The following NAALADL2 variants were observed in gnomAD, a reference collection of about 807,000 sequenced individuals.
NAALADL2 encodes inactive N-acetylated-alpha-linked acidic dipeptidase-like protein 2.
In NAALADL2, 76 loss-of-function variants were observed where a neutral mutation model predicts 87.2. That is an observed-to-expected ratio of 0.87 (90% CI 0.72 to 1.05). NAALADL2 has a LOEUF of 1.05. NAALADL2 is among the 50% of genes least tolerant of loss of function. The pLI, the probability that NAALADL2 is intolerant of heterozygous loss-of-function variation, is 0.00. For missense variants in NAALADL2, 1,089 were observed against 945.8 expected (o/e 1.15, Z -1.99); for synonymous variants, 354 against 331.0 (o/e 1.07, Z -0.75).
intron 1 of NAALADL2, among the ~76,000 whole-genome samples, chr3:174,868,519 A>G (rs1485681870): frequency 2.0e-5 from 3 of 152,024 alleles, no homozygotes; most frequent in Non-Finnish European, 4.4e-5. Flanking sequence ...CCTCATCCTT[A>G]TTGTTATCCA....
intron 1 of NAALADL2, among the ~76,000 whole-genome samples, chr3:174,881,421 T>A (rs1729178535): frequency 6.6e-6 from 1 of 152,130 alleles, no homozygotes; most frequent in East Asian, 1.9e-4. Context: ...GCTTGGGGCA[T>A]CATACCATAA....
At chr3:174,734,817 GAATT>G (rs1357606677) in intron 2 of NAALADL2, among the ~76,000 whole-genome samples, 1 of 152,118 alleles carries the variant, frequency 6.6e-6, no homozygotes. Flanking sequence ...CAAAAATTCA[GAATT>G]ATTATTTTAT....
In NAALADL2 at chr3:175,541,266, G is replaced by A. The variant is rs192038677; in HGVS notation, c.1654-34775G>A. On this transcript the variant is annotated intron_variant, in intron 9 of 13. Coordinates refer to ENST00000454872, the MANE Select transcript of NAALADL2 (RefSeq NM_207015.3). ...ACTTCTTCCTACTCTCCAAACAGTAGAATGTACAAATGTTCCTCAATTTAT... is the reference window on the plus strand; with the variant it reads ...ACTTCTTCCTACTCTCCAAACAGTAAAATGTACAAATGTTCCTCAATTTAT... Among the ~76,000 whole-genome samples the A allele has an allele frequency of 5.2e-3, 796 of 152,256 alleles. 7 individuals carry two copies. Among genetic ancestry groups the A allele is most frequent in the African/African-American group, 0.018 (761 of 41,550 alleles).
At chr3:174,798,558 A>G (rs534729442) in intron 3 of NAALADL2, among the ~76,000 whole-genome samples, 1 of 152,318 alleles carries the variant, frequency 6.6e-6, no homozygotes, top group South Asian at 2.1e-4. Context: ...CTTGTGATCA[A>G]TAAACATGGG....
intron 1 of NAALADL2, among the ~76,000 whole-genome samples, chr3:175,083,200 C>A (rs918680394): frequency 5.3e-5 from 8 of 152,190 alleles, no homozygotes; most frequent in Non-Finnish European, 8.8e-5. Flanking sequence ...CATCTTTTGT[C>A]CCCTGTTCCC....
chr3:175,531,898 G>C (rs1341361059), intron 9 of NAALADL2, among the ~76,000 whole-genome samples: 1 of 152,214 alleles, frequency 6.6e-6, no homozygotes, highest in Non-Finnish European at 1.5e-5. Flanking sequence ...CACCACCCCT[G>C]CATCTTTCAC....
intron 9 of NAALADL2, among the ~76,000 whole-genome samples, chr3:175,481,497 C>T (rs897287164): frequency 1.3e-5 from 2 of 151,710 alleles, no homozygotes; most frequent in Admixed American, 6.6e-5. Context: ...CAACTTCACT[C>T]GTGCTGGTGT....
chr3:174,593,630 A>G (rs545871788), intron 2 of NAALADL2, among the ~76,000 whole-genome samples: 9 of 152,298 alleles, frequency 5.9e-5, no homozygotes, highest in African/African-American at 1.9e-4. Context: ...TAAAATGACC[A>G]CATACTTTAC....
At chr3:174,838,021 GA>G (rs77681462) in intron 3 of NAALADL2, among the ~76,000 whole-genome samples, 17,084 of 72,178 alleles carry the variant, frequency 0.24, 1,162 homozygotes, top group African/African-American at 0.33. Flanking sequence ...AACCAAAAAA[GA>G]AAAAAAAAAA....
At chr3:175,104,779 A>G (rs1722812835) in intron 2 of NAALADL2, among the ~76,000 whole-genome samples, 1 of 152,302 alleles carries the variant, frequency 6.6e-6, no homozygotes, top group East Asian at 1.9e-4. Flanking sequence ...TAGCTATCCT[A>G]TCGTTGATCT....
At chr3:174,985,432 A>G (rs78631574) in intron 1 of NAALADL2, among the ~76,000 whole-genome samples, 5,245 of 152,252 alleles carry the variant, frequency 0.034, 196 homozygotes, top group East Asian at 0.17. Flanking sequence ...GTTTCAAGAA[A>G]AATCTTTTGA....
At chr3:175,658,935 C>T (rs1731884436) in intron 11 of NAALADL2, among the ~76,000 whole-genome samples, 2 of 152,078 alleles carry the variant, frequency 1.3e-5, no homozygotes, top group African/African-American at 4.8e-5. Flanking sequence ...CACACATGCA[C>T]ACACACACAG....
intron 9 of NAALADL2, among the ~76,000 whole-genome samples, chr3:175,524,018 G>C (rs1001956447): frequency 1.3e-5 from 2 of 152,104 alleles, no homozygotes; most frequent in Admixed American, 1.3e-4. Context: ...GCTGTCACCC[G>C]ATTTCAAGGC....
In NAALADL2 at chr3:175,324,085, CATCTT is replaced by C. The variant is rs367743983; in HGVS notation, c.940-86_940-82del. 64 of 798,666 alleles carry C rather than the reference CATCTT, an allele frequency of 8.0e-5. No individual in the cohort carries two copies. In the African/African-American group the frequency reaches 1.1e-3, roughly 14 times the overall value. 49.5% of individuals were successfully genotyped at this position (798,666 alleles called of 1,614,324 possible). A position where few individuals can be genotyped will look rare whatever the true frequency, so the allele number is the denominator to read the frequency against. ...AAGAAAAAAAAACTGGAAAAAGAGT[CATCTT>C]ATCATAGCCACATTGGCAAAATGGC... is the stretch of plus-strand genomic sequence containing the variant. On this transcript the variant is annotated intron_variant, in intron 4 of 13. Coordinates refer to ENST00000454872, the MANE Select transcript of NAALADL2 (RefSeq NM_207015.3).
chr3:174,734,905 A>G (rs1733045320), intron 2 of NAALADL2, among the ~76,000 whole-genome samples: 2 of 152,196 alleles, frequency 1.3e-5, no homozygotes, highest in Non-Finnish European at 2.9e-5. Flanking sequence ...GATGGAAGAT[A>G]TTGAAATGAG....
chr3:175,399,294 C>T (rs541924649), intron 5 of NAALADL2, among the ~76,000 whole-genome samples: 3 of 152,212 alleles, frequency 2.0e-5, no homozygotes, highest in East Asian at 3.9e-4. Context: ...GTTTAGTAAA[C>T]ATCATCCATC....
At chr3:174,555,872 A>T (rs956119539) in intron 2 of NAALADL2, among the ~76,000 whole-genome samples, 1 of 151,142 alleles carries the variant, frequency 6.6e-6, no homozygotes. Flanking sequence ...TGTTTCCGCT[A>T]TTTTCTCAAT....
chr3:175,756,199 G>A (rs566131340), intron 13 of NAALADL2, among the ~76,000 whole-genome samples: 1 of 152,204 alleles, frequency 6.6e-6, no homozygotes, highest in South Asian at 2.1e-4. Flanking sequence ...AAAAAGTAAT[G>A]CTTATACACT....
chr3:175,779,584 G>T (rs1750732470), intron 13 of NAALADL2, among the ~76,000 whole-genome samples: 1 of 151,942 alleles, frequency 6.6e-6, no homozygotes, highest in Non-Finnish European at 1.5e-5. Context: ...CTTTCAAGTA[G>T]GATAATTAGT....
Sources: gnomAD v4.1 joint callset for allele counts (sites outside exome capture counted in the v4.1 genomes callset) on GRCh38, gnomAD v4.1.1 for gene constraint, MANE v1.5 for transcripts, NCBI Gene and HGNC (gene_info 2026-07-23, HGNC 2026-07-21) for gene names.